PRKCB: variants seen among roughly 807,000 people sequenced by gnomAD.
PRKCB encodes protein kinase C beta.
Under a neutral mutation model 81.5 loss-of-function variants are expected in PRKCB, and 13 were observed. The observed-to-expected ratio is 0.16, with a 90% CI of 0.10 to 0.25. PRKCB has a LOEUF of 0.25. PRKCB is among the 10% of genes least tolerant of loss of function. PRKCB has a pLI of 1.00. For synonymous variants in PRKCB, 335 were observed against 321.4 expected (o/e 1.04, Z -0.45); for missense variants, 509 against 875.7 (o/e 0.58, Z 5.29).
intron 9 of PRKCB, among the ~76,000 whole-genome samples, chr16:24,145,647 T>A (rs1461189727): frequency 6.6e-6 from 1 of 152,216 alleles, no homozygotes; most frequent in Non-Finnish European, 1.5e-5. Context: ...GCTTTGGACT[T>A]GTGGCAAGTG....
chr16:23,950,972 G>A (rs3785387), intron 2 of PRKCB, among the ~76,000 whole-genome samples: 66,035 of 152,000 alleles, frequency 0.43, 15,728 homozygotes, highest in African/African-American at 0.63. Context: ...CCCTCTTCCC[G>A]CCTTGTCCCT....
At chr16:23,900,718 G>GTTTTTTTTTTTTTT (rs56897816) in intron 2 of PRKCB, among the ~76,000 whole-genome samples, 21 of 62,268 alleles carry the variant, frequency 3.4e-4, no homozygotes, top group African/African-American at 1.4e-3. Context: ...AGCTGCACAG[G>GTTTTTTTTTTTTTT]TTTTTTTTTT....
Position 24,178,397 on chromosome 16 carries a change from A to C in PRKCB, c.1395-2393A>C, listed in dbSNP as rs565662509. On this transcript the variant is annotated intron_variant, in intron 12 of 16. Coordinates refer to ENST00000643927, the MANE Select transcript of PRKCB (RefSeq NM_002738.7). ...CTGTATGTGACAGTGAAGATGACAG[A>C]GGTGCCCTCCAGCCTCAGGACTGCC... Among the ~76,000 whole-genome samples, 6 of 152,376 alleles carry C rather than the reference A, an allele frequency of 3.9e-5. No individual in the cohort carries two copies. In the South Asian group the frequency reaches 1.2e-3, roughly 32 times the overall value.
At chr16:23,922,932 G>T (rs1314342661) in intron 2 of PRKCB, among the ~76,000 whole-genome samples, 1 of 152,124 alleles carries the variant, frequency 6.6e-6, no homozygotes, top group South Asian at 2.1e-4. Flanking sequence ...TTAGATTTTT[G>T]CAGCCTTGAC....
chr16:23,905,049 T>C (rs1470086698), intron 2 of PRKCB, among the ~76,000 whole-genome samples: 1 of 37,022 alleles, frequency 2.7e-5, no homozygotes, highest in Non-Finnish European at 4.4e-5. Flanking sequence ...TTTCTTTTTT[T>C]TTTTTTTAAT....
intron 2 of PRKCB, among the ~76,000 whole-genome samples, chr16:23,978,285 C>T (rs914300294): frequency 1.3e-5 from 2 of 152,196 alleles, no homozygotes. Context: ...CAGCGCAGTC[C>T]CCCCATATCC....
intron 13 of PRKCB, among the ~76,000 whole-genome samples, chr16:24,184,785 TTAAGTA>T (rs527757710): frequency 6.9e-4 from 105 of 152,356 alleles, no homozygotes; most frequent in African/African-American, 2.4e-3. Context: ...TTTAGTAGTG[TTAAGTA>T]TATTTACATT....
chr16:24,029,734 T>TTA (rs1176705560), intron 3 of PRKCB, among the ~76,000 whole-genome samples: 1 of 152,190 alleles, frequency 6.6e-6, no homozygotes, highest in Non-Finnish European at 1.5e-5. Context: ...TTTCTGTCAC[T>TTA]AGAGTACAAT....
chr16:24,034,615 T>C (rs1965590095), intron 4 of PRKCB, among the ~76,000 whole-genome samples: 1 of 152,178 alleles, frequency 6.6e-6, no homozygotes, highest in Non-Finnish European at 1.5e-5. Flanking sequence ...TCTAAATCTT[T>C]TTCCTTGTAA....
intron 2 of PRKCB, chr16:23,869,012 T>A: frequency 2.4e-6 from 1 of 416,538 alleles, no homozygotes; most frequent in South Asian, 1.7e-5. Flanking sequence ...TTGCCCAGGG[T>A]CCCTGTGGTG....
chr16:23,966,077 T>C (rs116363416), intron 2 of PRKCB, among the ~76,000 whole-genome samples: 3,915 of 152,320 alleles, frequency 0.026, 151 homozygotes, highest in African/African-American at 0.089. Flanking sequence ...TGAGCAAAAC[T>C]CTGCTCTTGA....
At chr16:23,863,267 C>T (rs1311392535) in intron 2 of PRKCB, among the ~76,000 whole-genome samples, 1 of 135,440 alleles carries the variant, frequency 7.4e-6, no homozygotes, top group Non-Finnish European at 1.7e-5. Context: ...CACACACACA[C>T]ACACACACAC....
intron 7 of PRKCB, among the ~76,000 whole-genome samples, chr16:24,096,666 A>AAAAAAAAATATATATATATATAT (rs1406204037): frequency 3.1e-5 from 1 of 32,714 alleles, no homozygotes; most frequent in Non-Finnish European, 6.1e-5. Flanking sequence ...AAAAAAAAAA[A>AAAAAAAAATATATATATATATAT]ATATATATAT....
Position 24,219,967 on chromosome 16 carries a change from A to T in PRKCB, c.*5151A>T. On this transcript the variant is annotated 3_prime_UTR_variant, in exon 17 of 17. Transcript: ENST00000643927. ...TTTACTTTCCATTTGGCAGAGAGACAAGAGAGACACCTCCAACTTCGACAA... is the reference window on the plus strand; with the variant it reads ...TTTACTTTCCATTTGGCAGAGAGACTAGAGAGACACCTCCAACTTCGACAA... 1 of 1,614,008 alleles carries T rather than the reference A, an allele frequency of 6.2e-7. No individual in the cohort carries two copies. Among genetic ancestry groups the T allele is most frequent in the Non-Finnish European group, 8.5e-7 (1 of 1,179,976 alleles).
chr16:24,078,596 G>A (rs1966209683), intron 5 of PRKCB, among the ~76,000 whole-genome samples: 1 of 152,176 alleles, frequency 6.6e-6, no homozygotes, highest in African/African-American at 2.4e-5. Context: ...ATCAAGCCCT[G>A]AAAACTCTGC....
At chr16:24,096,661 A>G (rs1596545593) in intron 7 of PRKCB, among the ~76,000 whole-genome samples, 1 of 49,212 alleles carries the variant, frequency 2.0e-5, no homozygotes, top group African/African-American at 7.3e-5. Context: ...GCAAAAAAAA[A>G]AAAAAATATA....
chr16:23,958,798 A>G (rs941431751), intron 2 of PRKCB, among the ~76,000 whole-genome samples: 2 of 145,642 alleles, frequency 1.4e-5, no homozygotes, highest in Non-Finnish European at 1.5e-5. Context: ...TATTTTAAGT[A>G]CCTCCTTACC....
intron 2 of PRKCB, chr16:23,869,015 CT>C (rs1430592191): frequency 7.2e-6 from 3 of 419,260 alleles, no homozygotes; most frequent in African/African-American, 2.0e-5. Context: ...CCCAGGGTCC[CT>C]GTGGTGGATT....
At chr16:23,926,771 G>A (rs565388812) in intron 2 of PRKCB, among the ~76,000 whole-genome samples, 5 of 151,820 alleles carry the variant, frequency 3.3e-5, no homozygotes, top group East Asian at 1.9e-4. Flanking sequence ...TGTGATAAAC[G>A]TATGAGTGCA....
Sources: gnomAD v4.1 joint callset for allele counts (sites outside exome capture counted in the v4.1 genomes callset) on GRCh38, gnomAD v4.1.1 for gene constraint, MANE v1.5 for transcripts, NCBI Gene and HGNC (gene_info 2026-07-23, HGNC 2026-07-21) for gene names.